The following HDAC9 variants were observed in gnomAD, a reference collection of about 807,000 sequenced individuals.
HDAC9 encodes the protein histone deacetylase 9, also known as MEF-2 interacting transcription repressor (MITR) protein.
A neutral mutation model predicts 139.4 loss-of-function variants in HDAC9; 41 were observed. The observed-to-expected ratio is 0.29, with a 90% CI of 0.23 to 0.38. The LOEUF (loss-of-function observed/expected upper bound fraction) is 0.38. Among genes scored for constraint, HDAC9 ranks in the 10% least tolerant of loss-of-function variants. The pLI is 1.00. For missense variants in HDAC9, 1,147 were observed against 1,297.0 expected, an observed-to-expected ratio of 0.88 and a Z score of 1.78; for synonymous variants, 517 against 476.2, an observed-to-expected ratio of 1.09 and a Z score of -1.12.
chr7:18,635,577 G>T (rs374337895), intron 8 of HDAC9, among the ~76,000 whole-genome samples: 46 of 152,192 alleles, frequency 3.0e-4, no homozygotes, highest in African/African-American at 1.1e-3. Flanking sequence ...AGCCACTCAT[G>T]AAATCACCTG....
chr7:18,674,396 T>C (rs1161441144), intron 12 of HDAC9, among the ~76,000 whole-genome samples: 3 of 152,072 alleles, frequency 2.0e-5, no homozygotes, highest in East Asian at 3.9e-4. Flanking sequence ...ATTCAACCTT[T>C]ATACTCTAAC....
At chr7:18,802,663 G>C (rs956628512) in intron 17 of HDAC9, among the ~76,000 whole-genome samples, 1 of 151,412 alleles carries the variant, frequency 6.6e-6, no homozygotes, top group Non-Finnish European at 1.5e-5. Context: ...GTTAATTTTT[G>C]CTTTAGATAT....
At chr7:18,621,959 T>G (rs924423364) in intron 6 of HDAC9, among the ~76,000 whole-genome samples, 1 of 152,212 alleles carries the variant, frequency 6.6e-6, no homozygotes, top group Admixed American at 6.5e-5. Context: ...AATGCCAGCC[T>G]GGGTTATAGG....
chr7:18,842,124 G>A (rs1368547490), intron 21 of HDAC9, among the ~76,000 whole-genome samples: 1 of 152,060 alleles, frequency 6.6e-6, no homozygotes, highest in African/African-American at 2.4e-5. Context: ...ATCTTAATTT[G>A]TCAATGAGAG....
chr7:18,231,216 A>G (rs1460891179), intron 2 of HDAC9, among the ~76,000 whole-genome samples: 1 of 152,328 alleles, frequency 6.6e-6, no homozygotes, highest in East Asian at 1.9e-4. Flanking sequence ...TACAGTGTGC[A>G]TTTGTGCATT....
In HDAC9 at chr7:18,127,474, C is replaced by A. The variant is rs554294428; in HGVS notation, c.-96-34755C>A. On this transcript the variant is annotated intron_variant, in intron 1 of 12. Transcript: ENST00000417496. ...GCTCCCTCTGTACTTCTGGCTTTGG[C>A]TTATTAACCCCATTCTTTGCTTCTT... 3.3e-5 allele frequency among the ~76,000 whole-genome samples: 5 copies of A among 152,146 alleles called. No homozygotes were observed. In the South Asian group the frequency reaches 1.0e-3, roughly 32 times the overall value.
chr7:18,852,839 A>G (rs1273750461), intron 21 of HDAC9, among the ~76,000 whole-genome samples: 3 of 151,974 alleles, frequency 2.0e-5, no homozygotes, highest in East Asian at 3.9e-4. Flanking sequence ...AGATCAAAGT[A>G]AAGGAGCTTT....
chr7:18,395,412 A>G (rs998728707), intron 1 of HDAC9, among the ~76,000 whole-genome samples: 8 of 151,932 alleles, frequency 5.3e-5, no homozygotes, highest in African/African-American at 1.2e-4. Context: ...CTTCTTCTCT[A>G]TTGGAATTAA....
intron 1 of HDAC9, among the ~76,000 whole-genome samples, chr7:18,432,213 G>A (rs532100949): frequency 4.6e-5 from 7 of 152,242 alleles, no homozygotes; most frequent in East Asian, 3.9e-4. Flanking sequence ...TACCTACTAC[G>A]CTCCAGCTCT....
At chr7:18,886,501 C>T (rs1236771510) in intron 22 of HDAC9, among the ~76,000 whole-genome samples, 2 of 152,188 alleles carry the variant, frequency 1.3e-5, no homozygotes, top group African/African-American at 4.8e-5. Context: ...ATGTCTCTCA[C>T]ACTTGATGGT....
chr7:18,658,816 T>C lies in HDAC9; in HGVS notation c.1468-7397T>C, dbSNP rs142320811. On this transcript the variant is annotated intron_variant, in intron 11 of 25. Transcript: ENST00000686413. ...TCAAACAGAATTTTATCATTATTTT[T>C]AAATCTAGTTTCCTTGGAGCTTAAG... 1.1e-4 allele frequency among the ~76,000 whole-genome samples: 16 copies of C among 151,406 alleles called. No homozygotes were observed. The East Asian group carries it at 2.3e-3, about 22-fold the overall frequency.
chr7:18,638,254 A>C (rs1267317776), intron 8 of HDAC9, among the ~76,000 whole-genome samples: 1 of 152,086 alleles, frequency 6.6e-6, no homozygotes, highest in Non-Finnish European at 1.5e-5. Context: ...ATGGGATTCT[A>C]TCCTATTGTG....
At chr7:18,785,614 C>T (rs1467068106) in intron 16 of HDAC9, among the ~76,000 whole-genome samples, 1 of 151,872 alleles carries the variant, frequency 6.6e-6, no homozygotes, top group Non-Finnish European at 1.5e-5. Flanking sequence ...GTTTCAATAC[C>T]GTGAAAGAAA....
intron 2 of HDAC9, among the ~76,000 whole-genome samples, chr7:18,265,237 G>GA (rs1157538731): frequency 2.0e-5 from 3 of 152,184 alleles, no homozygotes; most frequent in Non-Finnish European, 2.9e-5. Context: ...TGTTTCAATT[G>GA]AATTGATGCA....
intron 2 of HDAC9, among the ~76,000 whole-genome samples, chr7:18,175,537 T>C (rs112714743): frequency 2.8e-4 from 42 of 152,284 alleles, no homozygotes; most frequent in African/African-American, 1.0e-3. Flanking sequence ...CTGTCTTCTG[T>C]GTTGATCACG....
At chr7:18,875,569 G>C (rs985412055) in intron 22 of HDAC9, among the ~76,000 whole-genome samples, 1 of 152,110 alleles carries the variant, frequency 6.6e-6, no homozygotes, top group Non-Finnish European at 1.5e-5. Context: ...AACATTGTTA[G>C]GTAGTAACTA....
At chr7:18,429,539 G>T (rs189619800) in intron 1 of HDAC9, among the ~76,000 whole-genome samples, 19 of 150,952 alleles carry the variant, frequency 1.3e-4, no homozygotes, top group African/African-American at 4.7e-4. Context: ...TTGACTCTGT[G>T]TGTGTGTATT....
chr7:18,260,308 TTTGTTTTTTTTTTTG>T (rs1562805222), intron 2 of HDAC9, among the ~76,000 whole-genome samples: 1 of 120,356 alleles, frequency 8.3e-6, no homozygotes. Context: ...GACACTTTTT[TTTGTTTTTTTTTTTG>T]TTTTTTTTTT....
chr7:18,855,047 G>A (rs777348041), intron 21 of HDAC9, among the ~76,000 whole-genome samples: 5 of 152,076 alleles, frequency 3.3e-5, no homozygotes, highest in Admixed American at 6.6e-5. Flanking sequence ...AGTGATTGGC[G>A]TCAGATTTCA....
Sources: gnomAD v4.1 joint callset for allele counts (sites outside exome capture counted in the v4.1 genomes callset) on GRCh38, gnomAD v4.1.1 for gene constraint, MANE v1.5 for transcripts, NCBI Gene and HGNC (gene_info 2026-07-23, HGNC 2026-07-21) for gene names.